CLASP1: variants seen among roughly 807,000 people sequenced by gnomAD.
CLASP1 encodes the protein CLIP-associating protein 1.
Under a neutral mutation model 192.3 loss-of-function variants are expected in CLASP1, and 38 were observed. That is an observed-to-expected ratio of 0.20 (90% CI 0.15 to 0.26). The LOEUF is 0.26. Among genes scored for constraint, CLASP1 ranks in the 10% least tolerant of loss-of-function variants. The pLI is 1.00. For synonymous variants in CLASP1, 691 were observed against 712.8 expected, an observed-to-expected ratio of 0.97 and a Z score of 0.49; for missense variants, 1,433 against 1,932.5, an observed-to-expected ratio of 0.74 and a Z score of 4.85.
In CLASP1 at chr2:121,570,540, C is replaced by T. The variant is rs1226912635; in HGVS notation, c.195+35161G>A. Among the ~76,000 whole-genome samples, 4 of 152,230 alleles carry T rather than the reference C, an allele frequency of 2.6e-5. No homozygotes were observed. The East Asian group carries it at 7.7e-4, about 29-fold the overall frequency. On this transcript the variant is annotated intron_variant, in intron 2 of 39. Transcript: ENST00000263710. ...AACTCTTAATGATCCATGAGGCTTTCAGCCTACCATGCATCCTCTCTCACA... is the reference window on the plus strand; with the variant it reads ...AACTCTTAATGATCCATGAGGCTTTTAGCCTACCATGCATCCTCTCTCACA...
intron 19 of CLASP1, 101 bp downstream of exon 19, chr2:121,447,236 G>T: frequency 1.8e-6 from 2 of 1,112,278 alleles, no homozygotes; most frequent in Non-Finnish European, 2.6e-6. Flanking sequence ...CCCCACAACA[G>T]TGAGACTTGC....
chr2:121,503,900 A>G (rs2093847155), intron 7 of CLASP1: 1 of 152,172 alleles, frequency 6.6e-6, no homozygotes, highest in Non-Finnish European at 1.5e-5. Context: ...AAGGTGGGAG[A>G]ATGCAATCAT....
chr2:121,504,218 G>C (rs574247651), intron 7 of CLASP1, among the ~76,000 whole-genome samples: 5 of 145,598 alleles, frequency 3.4e-5, no homozygotes, highest in Admixed American at 2.7e-4. Flanking sequence ...GGCAACAAGA[G>C]CGAAACTCCG....
intron 13 of CLASP1, among the ~76,000 whole-genome samples, chr2:121,458,422 G>A (rs547516474): frequency 2.7e-4 from 41 of 152,228 alleles, no homozygotes; most frequent in Non-Finnish European, 4.3e-4. Flanking sequence ...ATTTTGTTTC[G>A]TGCTTATGTG....
chr2:121,453,361 T>C (rs1045514652), intron 14 of CLASP1, among the ~76,000 whole-genome samples: 5 of 152,136 alleles, frequency 3.3e-5, no homozygotes, highest in Non-Finnish European at 7.4e-5. Flanking sequence ...GGAGATCCAA[T>C]GATAACCAAG....
chr2:121,392,346 TAAC>T (rs2074509696), intron 30 of CLASP1, among the ~76,000 whole-genome samples: 1 of 152,238 alleles, frequency 6.6e-6, no homozygotes, highest in Admixed American at 6.5e-5. Flanking sequence ...ATTCCATAAA[TAAC>T]AGCAGCAGCA....
At chr2:121,620,843 A>C (rs1233557091) in intron 1 of CLASP1, among the ~76,000 whole-genome samples, 1 of 151,428 alleles carries the variant, frequency 6.6e-6, no homozygotes, top group Non-Finnish European at 1.5e-5. Flanking sequence ...GGATGTCTTC[A>C]TTTTCTTGAT....
At chr2:121,576,375 T>C (rs1170161490) in intron 2 of CLASP1, among the ~76,000 whole-genome samples, 1 of 152,174 alleles carries the variant, frequency 6.6e-6, no homozygotes, top group Admixed American at 6.5e-5. Context: ...AAACACATCA[T>C]CTAGTGAGGA....
chr2:121,599,149 C>G (rs1239155611), intron 2 of CLASP1, among the ~76,000 whole-genome samples: 2 of 151,912 alleles, frequency 1.3e-5, no homozygotes, highest in Non-Finnish European at 2.9e-5. Flanking sequence ...AGGCGTGATT[C>G]ACTATACCTG....
At chr2:121,525,809 C>T (rs140796347) in intron 6 of CLASP1, 36 bp downstream of exon 6, 2 of 1,480,960 alleles carry the variant, frequency 1.4e-6, no homozygotes, top group Admixed American at 1.7e-5. Flanking sequence ...AGTCTGTAAG[C>T]AATGACTTCT....
At chr2:121,613,453 C>T (rs2065933407) in intron 1 of CLASP1, among the ~76,000 whole-genome samples, 1 of 152,034 alleles carries the variant, frequency 6.6e-6, no homozygotes, top group Non-Finnish European at 1.5e-5. Context: ...CCAACTTCAA[C>T]AAGAAGGAAG....
chr2:121,477,221 T>A (rs1309296972), intron 8 of CLASP1, among the ~76,000 whole-genome samples: 1 of 152,202 alleles, frequency 6.6e-6, no homozygotes, highest in Non-Finnish European at 1.5e-5. Flanking sequence ...TCAGAAAAAT[T>A]TAATTCTGGT....
At chr2:121,644,169 C>T (rs1215693644) in intron 1 of CLASP1, among the ~76,000 whole-genome samples, 6 of 152,076 alleles carry the variant, frequency 3.9e-5, no homozygotes, top group African/African-American at 1.4e-4. Flanking sequence ...CAGATGAAGA[C>T]ACTAAAATAT....
At chr2:121,622,788 G>C (rs2067607006) in intron 1 of CLASP1, among the ~76,000 whole-genome samples, 2 of 152,100 alleles carry the variant, frequency 1.3e-5, no homozygotes, top group African/African-American at 4.8e-5. Flanking sequence ...TCCTTAGGAT[G>C]TTTTATATAC....
chr2:121,617,538 G>C (rs557840105), intron 1 of CLASP1, among the ~76,000 whole-genome samples: 2 of 152,304 alleles, frequency 1.3e-5, no homozygotes, highest in South Asian at 4.1e-4. Flanking sequence ...CACAAGAGCA[G>C]CTCTTGTCAG....
chr2:121,440,727 C>T (rs1170775048), intron 19 of CLASP1, among the ~76,000 whole-genome samples: 1 of 148,178 alleles, frequency 6.7e-6, no homozygotes, highest in Admixed American at 6.8e-5. Context: ...ACAAGCAGTA[C>T]AAATATACTT....
intron 7 of CLASP1, chr2:121,504,865 A>C (rs1469648215): frequency 1.3e-5 from 2 of 152,270 alleles, no homozygotes; most frequent in Admixed American, 6.5e-5. Flanking sequence ...CATTCGTTAA[A>C]GCTGGCACTG....
intron 22 of CLASP1, among the ~76,000 whole-genome samples, chr2:121,421,746 GTGGTC>G (rs2079543855): frequency 6.6e-6 from 1 of 151,886 alleles, no homozygotes; most frequent in Non-Finnish European, 1.5e-5. Context: ...TTTTGCCATG[GTGGTC>G]AGGCTGGTCT....
intron 23 of CLASP1, among the ~76,000 whole-genome samples, chr2:121,415,861 G>A (rs968863301): frequency 1.3e-5 from 2 of 152,052 alleles, no homozygotes; most frequent in African/African-American, 2.4e-5. Flanking sequence ...TATGAAATGT[G>A]CATCTCTATG....
Sources: allele counts gnomAD v4.1 joint callset (sites outside exome capture counted in the v4.1 genomes callset), GRCh38; gene constraint gnomAD v4.1.1; transcripts MANE v1.5; gene names NCBI Gene and HGNC (gene_info 2026-07-23, HGNC 2026-07-21).